Variants in SLC35E4 observed in about 807,000 individuals in gnomAD.
SLC35E4 encodes the protein solute carrier family 35, member E4.
SLC35E4 carries 15 observed loss-of-function variants against 19.3 expected under a neutral mutation model. The observed-to-expected ratio is 0.78, with a 90% CI of 0.52 to 1.20. The LOEUF (loss-of-function observed/expected upper bound fraction) is 1.20, where lower values mean the gene tolerates loss of function less well. SLC35E4 is among the 50% of genes most tolerant of loss of function. The probability of loss-of-function intolerance (pLI) is 0.00; values close to 1 mark genes in which losing one functional copy is unlikely to be tolerated. For synonymous variants in SLC35E4, 219 were observed against 219.9 expected, an observed-to-expected ratio of 1.00 and a Z score of 0.04; for missense variants, 406 against 472.3, an observed-to-expected ratio of 0.86 and a Z score of 1.30.
chr22:30,639,479 T>C (rs2088001963), intron 1 of SLC35E4, among the ~76,000 whole-genome samples: 1 of 151,266 alleles, frequency 6.6e-6, no homozygotes, highest in Non-Finnish European at 1.5e-5. Context: ...CTGACCAAAA[T>C]TTATTAGGCG....
intron 2 of SLC35E4, among the ~76,000 whole-genome samples, chr22:30,657,575 A>G (rs2145597658): frequency 6.6e-6 from 1 of 152,098 alleles, no homozygotes; most frequent in East Asian, 1.9e-4. Context: ...CCTGGGAAAT[A>G]TGGTGAGACG....
chr22:30,665,056 T>G (rs1319768993), downstream of SLC35E4: 1 of 153,324 alleles, frequency 6.5e-6, no homozygotes, highest in Non-Finnish European at 1.5e-5. Flanking sequence ...GCTCCTCAGG[T>G]GCGGCCTGGG....
At chr22:30,664,443 G>C (rs1284074516), downstream of SLC35E4, among the ~76,000 whole-genome samples, 1 of 152,216 alleles carries the variant, frequency 6.6e-6, no homozygotes, top group African/African-American at 2.4e-5. Flanking sequence ...GCCTTGGCCT[G>C]ATTCTCCATT....
intron 1 of SLC35E4, among the ~76,000 whole-genome samples, chr22:30,643,233 G>A (rs1032623844): frequency 1.4e-4 from 22 of 152,144 alleles, no homozygotes; most frequent in Non-Finnish European, 2.9e-4. Context: ...TCCCCCGCCC[G>A]TCCGCATCAC....
At chr22:30,657,136 T>C (rs1213762290) in intron 2 of SLC35E4, among the ~76,000 whole-genome samples, 1 of 151,958 alleles carries the variant, frequency 6.6e-6, no homozygotes, top group Non-Finnish European at 1.5e-5. Context: ...CGAATAAGCA[T>C]GTAAGATAAA....
intron 2 of SLC35E4, among the ~76,000 whole-genome samples, chr22:30,660,625 C>A (rs1056637019): frequency 6.6e-6 from 1 of 152,164 alleles, no homozygotes; most frequent in Non-Finnish European, 1.5e-5. Flanking sequence ...TCCCAGATAT[C>A]TGAAACACAA....
At chr22:30,666,342 T>G (rs1276486732), downstream of SLC35E4, among the ~76,000 whole-genome samples, 1 of 152,132 alleles carries the variant, frequency 6.6e-6, no homozygotes, top group African/African-American at 2.4e-5. Flanking sequence ...CTATCAGGGC[T>G]GGGCACGGTG....
At chr22:30,658,036 G>A (rs2088380327) in intron 2 of SLC35E4, among the ~76,000 whole-genome samples, 1 of 151,764 alleles carries the variant, frequency 6.6e-6, no homozygotes, top group African/African-American at 2.4e-5. Context: ...GAGGCTGGGA[G>A]TTTGAGGCTG....
At chr22:30,651,423 ATATATTTTTTTTTTTTTT>A (rs1482808203), downstream of SLC35E4, among the ~76,000 whole-genome samples, 108 of 37,406 alleles carry the variant, frequency 2.9e-3, no homozygotes, top group East Asian at 0.012. Context: ...ATATATATAT[ATATATTTTTTTTTTTTTT>A]TTTTTTTTTT....
At position 30,636,353 on chromosome 22, in the gene SLC35E4, G is replaced by A. The variant is rs537764636; in HGVS notation, c.-98G>A. ...CTGTCTGAAACGGGACACGGGGTCG[G>A]AGGAACCAGGATCTAGCCTGGCCCC... On this transcript the variant is annotated 5_prime_UTR_variant, in exon 1 of 2. Coordinates refer to ENST00000343605, the MANE Select transcript of SLC35E4 (RefSeq NM_001001479.4). 139 of 1,415,786 alleles carry A rather than the reference G, an allele frequency of 9.8e-5. No homozygotes were observed. In the African/African-American group the frequency reaches 1.1e-3, roughly 11 times the overall value. The allele number at this position is 1,415,786 out of a possible 1,614,324, so 87.7% of individuals were successfully genotyped here.
chr22:30,654,650 G>T, intron 2 of SLC35E4: 1 of 451,928 alleles, frequency 2.2e-6, no homozygotes, highest in South Asian at 1.7e-5. Context: ...ATCCACTTGT[G>T]GAGGAAGGCC....
chr22:30,638,067 A>G (rs1220910818), intron 1 of SLC35E4, among the ~76,000 whole-genome samples: 1 of 152,104 alleles, frequency 6.6e-6, no homozygotes, highest in African/African-American at 2.4e-5. Context: ...AGACCCAGAG[A>G]AGTTCATGAT....
At chr22:30,651,399 G>GTGTGTATATA (rs1318231260), downstream of SLC35E4, among the ~76,000 whole-genome samples, 2 of 61,370 alleles carry the variant, frequency 3.3e-5, no homozygotes, top group African/African-American at 1.1e-4. Flanking sequence ...GTGTGTGTGT[G>GTGTGTATATA]TATATATATA....
intron 2 of SLC35E4, chr22:30,661,438 CTTTT>C (rs1013948541): frequency 1.2e-3 from 144 of 117,784 alleles, no homozygotes; most frequent in African/African-American, 3.6e-3. Flanking sequence ...TTTTTCTTTT[CTTTT>C]TCTTTTTTTT....
At chr22:30,665,092 G>T, downstream of SLC35E4, 1 of 154,186 alleles carries the variant, frequency 6.5e-6, no homozygotes. Flanking sequence ...TTAGACTCTC[G>T]GACCCTCACT....
chr22:30,653,242 C>A (rs1345594611), intron 2 of SLC35E4, among the ~76,000 whole-genome samples: 2 of 152,148 alleles, frequency 1.3e-5, no homozygotes, highest in African/African-American at 4.8e-5. Context: ...TCCAAGCCTA[C>A]CCCCACTGCC....
At chr22:30,643,451 A>T (rs1281420540) in intron 1 of SLC35E4, among the ~76,000 whole-genome samples, 1 of 152,164 alleles carries the variant, frequency 6.6e-6, no homozygotes, top group Non-Finnish European at 1.5e-5. Flanking sequence ...CATGAGAGCA[A>T]ACATTTGTTG....
downstream of SLC35E4, among the ~76,000 whole-genome samples, chr22:30,666,085 T>A (rs960149154): frequency 6.6e-6 from 1 of 152,076 alleles, no homozygotes; most frequent in Non-Finnish European, 1.5e-5. Flanking sequence ...AGAGGTGATA[T>A]GAAGGGCAAA....
chr22:30,653,977 G>GTTT (rs1316985664), intron 2 of SLC35E4: 23 of 149,812 alleles, frequency 1.5e-4, no homozygotes, highest in Non-Finnish European at 1.8e-4. Flanking sequence ...TAGCTGTTTT[G>GTTT]TTTTTTTGTT....
Sources: gnomAD v4.1 joint callset for allele counts (sites outside exome capture counted in the v4.1 genomes callset) on GRCh38, gnomAD v4.1.1 for gene constraint, MANE v1.5 for transcripts, NCBI Gene and HGNC (gene_info 2026-07-23, HGNC 2026-07-21) for gene names.